Variants in XKR6 observed in about 807,000 individuals in gnomAD.
The protein encoded by XKR6 is XK-related protein 6.
A neutral mutation model predicts 56.7 loss-of-function variants in XKR6; 22 were observed. The ratio of observed to expected loss-of-function variants is 0.39; its 90% CI spans 0.28 to 0.55. XKR6 has a LOEUF of 0.55. Ranked by LOEUF, XKR6 falls within the 20% of genes least tolerant of loss-of-function variation. The probability of loss-of-function intolerance (pLI) is 0.66; values close to 1 mark genes in which losing one functional copy is unlikely to be tolerated. For missense variants in XKR6, 852 were observed against 889.0 expected (o/e 0.96, Z 0.53); for synonymous variants, 524 against 387.8 (o/e 1.35, Z -4.13).
At chr8:11,180,281 A>C (rs1305699852) in intron 1 of XKR6, among the ~76,000 whole-genome samples, 2 of 152,254 alleles carry the variant, frequency 1.3e-5, no homozygotes, top group African/African-American at 4.8e-5. Context: ...GAGCATAAAG[A>C]ATGGCTGGAA....
rs772775080 is a variant in XKR6 at position 10,897,947 on chromosome 8, T to C, written c.*5A>G. ...GGTCCCCTTCTCAACTTGGTCAAGA[T>C]GCTCTTAGAGTGAAGACTCATACTG... On this transcript the variant is annotated 3_prime_UTR_variant, in exon 3 of 3. Transcript: ENST00000416569. The C allele has an allele frequency of 6.5e-7, 1 of 1,545,568 alleles. No individual in the cohort carries two copies. Among genetic ancestry groups the C allele is most frequent in the South Asian group, 1.2e-5 (1 of 80,004 alleles).
intron 1 of XKR6, among the ~76,000 whole-genome samples, chr8:11,118,864 T>C (rs887405365): frequency 5.9e-5 from 9 of 152,218 alleles, no homozygotes; most frequent in African/African-American, 2.2e-4. Flanking sequence ...TTGAATGTGT[T>C]TGCTCTTGCT....
intron 1 of XKR6, among the ~76,000 whole-genome samples, chr8:11,084,767 G>C (rs890411737): frequency 2.0e-5 from 3 of 152,186 alleles, no homozygotes; most frequent in African/African-American, 7.2e-5. Context: ...CTCAGAGAAG[G>C]TTCTCCATAC....
In XKR6 at chr8:11,057,584, G is replaced by A. The variant is rs997576805; in HGVS notation, c.765-132754C>T. On this transcript the variant is annotated intron_variant, in intron 1 of 2. Coordinates refer to ENST00000416569, the MANE Select transcript of XKR6 (RefSeq NM_173683.4). ...TGAGGCATTCCCATGAGTTCCCACG[G>A]TCACAGAGGCTGGGCGGGTGTAGTT... Among the ~76,000 whole-genome samples the A allele has an allele frequency of 2.6e-5, 4 of 152,344 alleles. No individual in the cohort carries two copies. In the East Asian group the frequency reaches 5.8e-4, roughly 22 times the overall value.
intron 1 of XKR6, among the ~76,000 whole-genome samples, chr8:10,983,733 G>A (rs1195931674): frequency 6.6e-6 from 1 of 151,348 alleles, no homozygotes; most frequent in African/African-American, 2.4e-5. Context: ...TCAGCTCACT[G>A]CAAGCTCCGC....
At chr8:11,044,779 G>A (rs756434575) in intron 1 of XKR6, among the ~76,000 whole-genome samples, 3 of 151,742 alleles carry the variant, frequency 2.0e-5, no homozygotes, top group Admixed American at 6.6e-5. Flanking sequence ...CCACCACTCT[G>A]GGCTCATTTT....
intron 1 of XKR6, among the ~76,000 whole-genome samples, chr8:11,132,424 T>C (rs909864228): frequency 1.3e-5 from 2 of 151,888 alleles, no homozygotes; most frequent in African/African-American, 4.8e-5. Flanking sequence ...GGTGGTGCAA[T>C]CTCGGATCGC....
intron 1 of XKR6, among the ~76,000 whole-genome samples, chr8:10,964,642 C>G (rs1649970992): frequency 6.6e-6 from 1 of 152,172 alleles, no homozygotes; most frequent in African/African-American, 2.4e-5. Context: ...CAATCAGCAC[C>G]TGCCTGTCCC....
intron 1 of XKR6, among the ~76,000 whole-genome samples, chr8:11,190,058 G>A (rs974586449): frequency 6.6e-6 from 1 of 152,096 alleles, no homozygotes; most frequent in Non-Finnish European, 1.5e-5. Flanking sequence ...GTGGGAGGCT[G>A]AGGCAGAAGA....
intron 1 of XKR6, among the ~76,000 whole-genome samples, chr8:11,110,888 G>A (rs973595347): frequency 1.3e-5 from 2 of 151,664 alleles, no homozygotes; most frequent in African/African-American, 4.8e-5. Context: ...CCAGGCTGGA[G>A]TGCAGTGGTG....
intron 2 of XKR6, among the ~76,000 whole-genome samples, chr8:10,907,754 T>C (rs1563281325): frequency 6.6e-6 from 1 of 152,218 alleles, no homozygotes; most frequent in Non-Finnish European, 1.5e-5. Flanking sequence ...TTAACATATG[T>C]CAGCCCTCTG....
intron 2 of XKR6, among the ~76,000 whole-genome samples, chr8:10,900,133 C>T (rs1323794276): frequency 2.6e-5 from 4 of 152,252 alleles, no homozygotes; most frequent in East Asian, 3.9e-4. Context: ...CCACTGGCAA[C>T]GACCTCCTTA....
intron 1 of XKR6, chr8:11,125,776 C>T (rs1412521171): frequency 6.6e-6 from 1 of 152,244 alleles, no homozygotes; most frequent in African/African-American, 2.4e-5. Flanking sequence ...TACATCTGTG[C>T]ATCTGTACCT....
At chr8:10,921,288 G>A (rs1447796213) in intron 2 of XKR6, among the ~76,000 whole-genome samples, 1 of 152,232 alleles carries the variant, frequency 6.6e-6, no homozygotes, top group African/African-American at 2.4e-5. Flanking sequence ...TGATCCAGAG[G>A]GCCAGAAAGG....
At chr8:10,973,114 C>G (rs1201028908) in intron 1 of XKR6, among the ~76,000 whole-genome samples, 2 of 152,188 alleles carry the variant, frequency 1.3e-5, no homozygotes. Flanking sequence ...AGAATGTTCC[C>G]TGAGAACACG....
chr8:11,192,408 A>G (rs751255862), intron 1 of XKR6, among the ~76,000 whole-genome samples: 7 of 152,102 alleles, frequency 4.6e-5, no homozygotes, highest in South Asian at 2.1e-4. Flanking sequence ...CTCAGCCTCC[A>G]AAGTGCTGGG....
intron 1 of XKR6, among the ~76,000 whole-genome samples, chr8:10,928,775 C>A (rs1050456574): frequency 3.9e-5 from 6 of 152,038 alleles, no homozygotes; most frequent in Non-Finnish European, 7.4e-5. Context: ...TCCTCCAAGC[C>A]CCCTCCTTCT....
At position 11,114,253 on chromosome 8, in the gene XKR6, C is replaced by T. The variant is rs151100180; in HGVS notation, c.764+86323G>A. On this transcript the variant is annotated intron_variant, in intron 1 of 2. Transcript: ENST00000416569. ...CAATCCTATTTTGAATGGAGTGGTG[C>T]CCGTCTTATCCTGTTAGCCGCTGGG... 3.0e-3 allele frequency among the ~76,000 whole-genome samples: 456 copies of T among 152,264 alleles called. 1 individual carries two copies. The highest frequency in any genetic ancestry group is 4.4e-3 in the Non-Finnish European group (301 of 68,032).
intron 1 of XKR6, among the ~76,000 whole-genome samples, chr8:11,143,423 C>T (rs1800806626): frequency 6.6e-6 from 1 of 152,184 alleles, no homozygotes; most frequent in African/African-American, 2.4e-5. Context: ...AATGTAACTG[C>T]ATTCTGCTGC....
Sources: gnomAD v4.1 joint callset for allele counts (sites outside exome capture counted in the v4.1 genomes callset) on GRCh38, gnomAD v4.1.1 for gene constraint, MANE v1.5 for transcripts, NCBI Gene and HGNC (gene_info 2026-07-23, HGNC 2026-07-21) for gene names.